SLC25A48: variants seen among roughly 807,000 people sequenced by gnomAD.
SLC25A48 encodes the protein CTC-321K16.1.
In SLC25A48, 29 loss-of-function variants were observed where a neutral mutation model predicts 32.2. The ratio of observed to expected loss-of-function variants is 0.90; its 90% confidence interval spans 0.67 to 1.23. The LOEUF (loss-of-function observed/expected upper bound fraction) is 1.23. Ranked by LOEUF, SLC25A48 falls within the 50% of genes most tolerant of loss-of-function variation. The pLI is 0.00. For missense variants in SLC25A48, 399 were observed against 422.7 expected (o/e 0.94, Z 0.49); for synonymous variants, 164 against 172.3 (o/e 0.95, Z 0.38).
At chr5:135,802,559 G>A (rs971684041) in intron 3 of SLC25A48, among the ~76,000 whole-genome samples, 2 of 151,162 alleles carry the variant, frequency 1.3e-5, no homozygotes, top group Non-Finnish European at 3.0e-5. Flanking sequence ...TACACCATGT[G>A]TGTACACCCT....
chr5:135,756,344 T>G (rs775872262), intron 3 of SLC25A48, among the ~76,000 whole-genome samples: 2 of 152,136 alleles, frequency 1.3e-5, no homozygotes, highest in African/African-American at 4.8e-5. Flanking sequence ...TAATAAAATA[T>G]CATCTATATG....
intron 3 of SLC25A48, among the ~76,000 whole-genome samples, chr5:135,657,747 A>C (rs770729629): frequency 2.0e-4 from 30 of 152,336 alleles, no homozygotes; most frequent in Non-Finnish European, 3.4e-4. Context: ...TGCATTTGCC[A>C]TGAGCAGGTT....
At chr5:135,671,136 C>T (rs952099403) in intron 3 of SLC25A48, among the ~76,000 whole-genome samples, 3 of 152,134 alleles carry the variant, frequency 2.0e-5, no homozygotes, top group African/African-American at 7.2e-5. Flanking sequence ...GATGAAAAAC[C>T]TAACTCTAAC....
At chr5:135,839,742 T>C (rs1214159103) in intron 1 of SLC25A48, among the ~76,000 whole-genome samples, 1 of 152,164 alleles carries the variant, frequency 6.6e-6, no homozygotes, top group Non-Finnish European at 1.5e-5. Context: ...GAGAGACCCA[T>C]GTGTCATGGG....
chr5:135,601,715 C>T (rs1476735286), intron 1 of SLC25A48, among the ~76,000 whole-genome samples: 1 of 152,194 alleles, frequency 6.6e-6, no homozygotes, highest in Non-Finnish European at 1.5e-5. Flanking sequence ...ACTTCTTGCC[C>T]TCTCTGATCT....
chr5:135,717,618 C>T (rs912200238), intron 3 of SLC25A48, among the ~76,000 whole-genome samples: 4 of 152,194 alleles, frequency 2.6e-5, no homozygotes, highest in Non-Finnish European at 5.9e-5. Context: ...AACATGGCTA[C>T]ACAACGCACA....
rs773718243 is a variant in SLC25A48 at position 135,850,482 on chromosome 5, T to C, written c.148T>C (p.Tyr50His). The part of the protein sequence containing the change: ...GNTLSCIRVV[Y>H]RRESMFGFFK... ...CACCCTCAGCTGCATCCGCGTGGTGTACAGGAGGGAGAGTGTAAGTGCCCC... is the reference window on the plus strand; with the variant it reads ...CACCCTCAGCTGCATCCGCGTGGTGCACAGGAGGGAGAGTGTAAGTGCCCC... Residue 50 changes from tyrosine to histidine, a missense_variant, in exon 3 of 8, where the codon TAC (tyrosine) becomes CAC (histidine). By Grantham distance (83) the Tyr-to-His change is moderately conservative. Coordinates refer to ENST00000681962, the MANE Select transcript of SLC25A48 (RefSeq NM_001349336.2). 6.2e-7 allele frequency: 1 copy of C among 1,614,058 alleles called. No individual in the cohort carries two copies. The highest frequency in any genetic ancestry group is 1.1e-5 in the South Asian group (1 of 91,084).
chr5:135,834,508 A>C, upstream of SLC25A48: 1 of 345,596 alleles, frequency 2.9e-6, no homozygotes, highest in Non-Finnish European at 5.2e-6. Context: ...TTGGCAAGGA[A>C]GAGGATAACC....
At chr5:135,745,090 A>T (rs533822713) in intron 3 of SLC25A48, among the ~76,000 whole-genome samples, 1 of 152,334 alleles carries the variant, frequency 6.6e-6, no homozygotes, top group East Asian at 1.9e-4. Flanking sequence ...TAAGACAAAG[A>T]CACAGAAATA....
intron 3 of SLC25A48, among the ~76,000 whole-genome samples, chr5:135,750,551 G>C (rs182223119): frequency 6.7e-4 from 102 of 152,302 alleles, no homozygotes; most frequent in African/African-American, 2.3e-3. Flanking sequence ...CACAGGGGCA[G>C]CCCAAGTTCA....
intron 1 of SLC25A48, among the ~76,000 whole-genome samples, chr5:135,599,928 T>C (rs1183317622): frequency 6.6e-6 from 1 of 152,146 alleles, no homozygotes; most frequent in East Asian, 1.9e-4. Context: ...AGCAATGACC[T>C]TGGGAAGAGG....
At chr5:135,725,760 C>T (rs1755075194) in intron 3 of SLC25A48, among the ~76,000 whole-genome samples, 1 of 152,078 alleles carries the variant, frequency 6.6e-6, no homozygotes, top group African/African-American at 2.4e-5. Flanking sequence ...CGTCTGATGG[C>T]ATGTTTACAT....
At chr5:135,664,712 A>C (rs1255287371) in intron 3 of SLC25A48, among the ~76,000 whole-genome samples, 2 of 152,172 alleles carry the variant, frequency 1.3e-5, no homozygotes, top group African/African-American at 4.8e-5. Flanking sequence ...GATTTCACTT[A>C]ACATAAGGGC....
At position 135,708,542 on chromosome 5, in the gene SLC25A48, A is replaced by T. The variant is rs541886030; in HGVS notation, c.-521+73586A>T. Among the ~76,000 whole-genome samples, 13 of 152,318 alleles carry T rather than the reference A, an allele frequency of 8.5e-5. 1 individual carries two copies. Among genetic ancestry groups the T allele is most frequent in the African/African-American group, 3.1e-4 (13 of 41,572 alleles). On this transcript the variant is annotated intron_variant, in intron 3 of 10. Transcript: ENST00000646290. ...GCATGGTCACTGTAATGGTGCATTCATCCAAATTCTCTGTGTTAATGGTGG... is the reference window on the plus strand; with the variant it reads ...GCATGGTCACTGTAATGGTGCATTCTTCCAAATTCTCTGTGTTAATGGTGG...
intron 3 of SLC25A48, among the ~76,000 whole-genome samples, chr5:135,764,998 A>G (rs1471636759): frequency 6.6e-6 from 1 of 151,402 alleles, no homozygotes; most frequent in Non-Finnish European, 1.5e-5. Context: ...TATCCAGAAG[A>G]AAGAGGGTGA....
chr5:135,692,133 C>CCA (rs1754158540), intron 3 of SLC25A48, among the ~76,000 whole-genome samples: 1 of 152,038 alleles, frequency 6.6e-6, no homozygotes, highest in African/African-American at 2.4e-5. Context: ...CTGGCTAACA[C>CCA]GGTGAAACCC....
At chr5:135,733,976 C>T (rs746069861) in intron 3 of SLC25A48, among the ~76,000 whole-genome samples, 4 of 151,976 alleles carry the variant, frequency 2.6e-5, no homozygotes, top group East Asian at 1.9e-4. Flanking sequence ...CTGAACTAAC[C>T]GGTAAGGCTT....
chr5:135,800,496 C>T (rs1303192732), intron 3 of SLC25A48, among the ~76,000 whole-genome samples: 3 of 151,076 alleles, frequency 2.0e-5, no homozygotes, highest in African/African-American at 7.3e-5. Context: ...GAGAGGATGA[C>T]ATGAGTTTCA....
intron 4 of SLC25A48, among the ~76,000 whole-genome samples, chr5:135,863,106 T>C (rs1160535229): frequency 1.3e-5 from 2 of 152,050 alleles, no homozygotes; most frequent in Non-Finnish European, 2.9e-5. Context: ...GCCCTGATGA[T>C]ATAGAAGCAG....
Sources: gnomAD v4.1 joint callset for allele counts (sites outside exome capture counted in the v4.1 genomes callset) on GRCh38, gnomAD v4.1.1 for gene constraint, MANE v1.5 for transcripts, NCBI Gene and HGNC (gene_info 2026-07-23, HGNC 2026-07-21) for gene names.